The following GCC2 variants were observed in gnomAD, a reference collection of about 807,000 sequenced individuals.
GCC2 encodes GRIP and coiled-coil domain containing 2.
A neutral mutation model predicts 210.6 loss-of-function variants in GCC2; 120 were observed. The ratio of observed to expected loss-of-function variants is 0.57; its 90% confidence interval spans 0.49 to 0.66. The LOEUF (loss-of-function observed/expected upper bound fraction) is 0.66. Among genes scored for constraint, GCC2 ranks in the 30% least tolerant of loss-of-function variants. The pLI is 0.00. For missense variants in GCC2, 1,868 were observed against 1,871.9 expected, an observed-to-expected ratio of 1.00 and a Z score of 0.04; for synonymous variants, 703 against 652.7, an observed-to-expected ratio of 1.08 and a Z score of -1.17.
chr2:108,476,576 A>G (rs1003830051), intron 9 of GCC2, among the ~76,000 whole-genome samples: 3 of 152,194 alleles, frequency 2.0e-5, no homozygotes, highest in East Asian at 1.9e-4. Flanking sequence ...TTAAAAAGAT[A>G]AGAATTAAAA....
At chr2:108,484,068 A>G (rs1682005772) in intron 12 of GCC2, 81 bp from the exon 13 acceptor site, 1 of 791,216 alleles carries the variant, frequency 1.3e-6, no homozygotes, top group Non-Finnish European at 2.0e-6. Context: ...GCATCATTTT[A>G]GCAATTTTAC....
In GCC2 at chr2:108,492,558, T is replaced by A; in HGVS notation, c.4230-15T>A. The A allele has an allele frequency of 6.5e-7, 1 of 1,545,782 alleles. No homozygotes were observed. The highest frequency in any genetic ancestry group is 8.9e-7 in the Non-Finnish European group (1 of 1,117,974). On this transcript the variant is annotated splice_polypyrimidine_tract_variant and intron_variant, in intron 18 of 22. Coordinates refer to ENST00000309863, the MANE Select transcript of GCC2 (RefSeq NM_181453.4). ...AGTTGAAAGATCTTCTGTAACTAAG[T>A]TTCTCATCTTTCAGATTGTGTTCAA...
rs561406552 is a variant in GCC2, at chr2:108,509,046, T to C, written c.*1416T>C. 6.6e-6 allele frequency: 1 copy of C among 152,642 alleles called. No individual in the cohort carries two copies. Among genetic ancestry groups the C allele is most frequent in the Non-Finnish European group, 1.5e-5 (1 of 68,036 alleles). The allele number at this position is 152,642 out of a possible 1,614,324, so 9.5% of individuals were successfully genotyped here. A position where few individuals can be genotyped will look rare whatever the true frequency, so the allele number is the denominator to read the frequency against. On this transcript the variant is annotated 3_prime_UTR_variant, in exon 23 of 23. Transcript: ENST00000309863. ...CATATATCTCATCTTTCCTCCTGTCTTAGAAGAACAGACCTAACTAGTGAA... is the reference window on the plus strand; with the variant it reads ...CATATATCTCATCTTTCCTCCTGTCCTAGAAGAACAGACCTAACTAGTGAA...
chr2:108,479,930 C>T (rs111968584), intron 9 of GCC2, among the ~76,000 whole-genome samples: 9,911 of 140,814 alleles, frequency 0.07, 449 homozygotes, highest in Non-Finnish European at 0.079. Flanking sequence ...TGCAGTAAGC[C>T]AAGGTCACGC....
intron 9 of GCC2, among the ~76,000 whole-genome samples, chr2:108,481,186 G>A (rs2104474279): frequency 6.6e-6 from 1 of 152,320 alleles, no homozygotes; most frequent in East Asian, 1.9e-4. Context: ...GGATTCTTCA[G>A]GAAATATTGA....
chr2:108,464,668 C>T (rs1680781342), intron 4 of GCC2, among the ~76,000 whole-genome samples: 1 of 152,164 alleles, frequency 6.6e-6, no homozygotes, highest in Non-Finnish European at 1.5e-5. Context: ...GCCTCCTTCC[C>T]TTTCCTTATG....
intron 18 of GCC2, among the ~76,000 whole-genome samples, chr2:108,490,527 G>A (rs1275066312): frequency 2.0e-5 from 3 of 152,196 alleles, no homozygotes; most frequent in Non-Finnish European, 4.4e-5. Context: ...AAATTGGGTA[G>A]TAGGAGTATT....
At position 108,481,840 on chromosome 2, in the gene GCC2, A is replaced by G. The variant is rs750325798; in HGVS notation, c.3180+24A>G. 4.0e-6 allele frequency: 6 copies of G among 1,495,446 alleles called. No homozygotes were observed. The African/African-American group carries it at 5.6e-5, about 14-fold the overall frequency. The allele number at this position is 1,495,446 out of a possible 1,614,324, so 92.6% of individuals were successfully genotyped here. ...AGGTAATTTTTTAATAAATCCAAAA[A>G]TGAAAACTATAACAGGTATATTTTA... On this transcript the variant is annotated intron_variant, in intron 10 of 22. Coordinates refer to ENST00000309863, the MANE Select transcript of GCC2 (RefSeq NM_181453.4).
chr2:108,457,790 G>A (rs764999618), intron 4 of GCC2, among the ~76,000 whole-genome samples: 2 of 152,052 alleles, frequency 1.3e-5, no homozygotes, highest in African/African-American at 4.8e-5. Flanking sequence ...ACTGGTTTTT[G>A]TATGTTGAAT....
intron 17 of GCC2, among the ~76,000 whole-genome samples, chr2:108,488,248 T>C (rs968187013): frequency 6.6e-6 from 1 of 152,140 alleles, no homozygotes; most frequent in African/African-American, 2.4e-5. Flanking sequence ...TTATGTATAT[T>C]GTTACCAAAG....
At position 108,470,223 on chromosome 2, in the gene GCC2, G is replaced by C. The variant is rs553682391; in HGVS notation, c.894G>C (p.Glu298Asp). The change falls in exon 6 of 23, where the codon GAG becomes GAC. Residue 298 changes from glutamate (E) to aspartate (D), a missense_variant. Transcript: ENST00000309863. ...ACATCCAGAAGAAATATGAATGTGAGTTAGAAAATTTAAGGAAAGCCACCT... is the reference window on the plus strand; with the variant it reads ...ACATCCAGAAGAAATATGAATGTGACTTAGAAAATTTAAGGAAAGCCACCT... ...EKNIQKKYEC[E>D]LENLRKATSN... 3.7e-6 allele frequency: 6 copies of C among 1,613,358 alleles called. No homozygotes were observed. The African/African-American group carries it at 8.0e-5, about 22-fold the overall frequency.
intron 11 of GCC2, 51 bp from the exon 12 acceptor site, chr2:108,483,011 C>A: frequency 1.1e-6 from 1 of 951,072 alleles, no homozygotes; most frequent in Non-Finnish European, 1.7e-6. Flanking sequence ...CTTAAAAATA[C>A]CTTTTTAATA....
intron 6 of GCC2, among the ~76,000 whole-genome samples, chr2:108,472,564 T>C (rs943507088): frequency 2.6e-5 from 4 of 152,012 alleles, no homozygotes; most frequent in African/African-American, 4.8e-5. Flanking sequence ...TTATTACACA[T>C]GTATTTAATG....
At chr2:108,491,018 G>T (rs753287879) in intron 18 of GCC2, among the ~76,000 whole-genome samples, 1 of 152,110 alleles carries the variant, frequency 6.6e-6, no homozygotes, top group African/African-American at 2.4e-5. Flanking sequence ...TATTGTTACT[G>T]TCTGCCCAAG....
intron 22 of GCC2, among the ~76,000 whole-genome samples, chr2:108,503,977 A>G (rs1249681869): frequency 6.6e-6 from 1 of 152,116 alleles, no homozygotes; most frequent in African/African-American, 2.4e-5. Flanking sequence ...ATCTGGTGGC[A>G]TGTGTCCATA....
intron 22 of GCC2, among the ~76,000 whole-genome samples, chr2:108,503,283 C>G (rs1397093822): frequency 6.6e-6 from 1 of 152,096 alleles, no homozygotes; most frequent in East Asian, 1.9e-4. Context: ...TCACAATAGA[C>G]TTCTCAACAG....
chr2:108,455,674 AT>A (rs1680240705), intron 4 of GCC2, among the ~76,000 whole-genome samples: 1 of 152,110 alleles, frequency 6.6e-6, no homozygotes, highest in Non-Finnish European at 1.5e-5. Flanking sequence ...TTTGAAAAAT[AT>A]TTATCTTTCC....
At chr2:108,482,165 A>G (rs1371022171) in intron 10 of GCC2, 122 bp from the exon 11 acceptor site, 1 of 636,932 alleles carries the variant, frequency 1.6e-6, no homozygotes, top group Non-Finnish European at 2.8e-6. Flanking sequence ...GTTCTGTAGC[A>G]TGGACTTGGA....
At chr2:108,487,603 C>A in intron 16 of GCC2, 96 bp from the exon 17 acceptor site, 1 of 1,186,216 alleles carries the variant, frequency 8.4e-7, no homozygotes, top group Non-Finnish European at 1.2e-6. Context: ...TTCTCATTTT[C>A]AAAAACAGGT....
Sources: allele counts gnomAD v4.1 joint callset (sites outside exome capture counted in the v4.1 genomes callset), GRCh38; gene constraint gnomAD v4.1.1; transcripts MANE v1.5; gene names NCBI Gene and HGNC (gene_info 2026-07-23, HGNC 2026-07-21).